The following CCDC171 variants were observed in gnomAD, a reference collection of about 807,000 sequenced individuals.
The protein encoded by CCDC171 is coiled-coil domain containing 171.
Under a neutral mutation model 168.2 loss-of-function variants are expected in CCDC171, and 177 were observed. The ratio of observed to expected loss-of-function variants is 1.05; its 90% CI spans 0.93 to 1.19. The LOEUF (loss-of-function observed/expected upper bound fraction) is 1.19. Among genes scored for constraint, CCDC171 ranks in the 50% most tolerant of loss-of-function variants. The probability of loss-of-function intolerance (pLI) is 0.00; values close to 1 mark genes in which losing one functional copy is unlikely to be tolerated. For synonymous variants in CCDC171, 687 were observed against 540.8 expected (o/e 1.27, Z -3.75); for missense variants, 1,991 against 1,539.0 (o/e 1.29, Z -4.91).
the CCDC171 span, among the ~76,000 whole-genome samples, chr9:16,097,791 T>C: frequency 6.6e-6 from 1 of 152,236 alleles, no homozygotes; most frequent in Non-Finnish European, 1.5e-5. Flanking sequence ...AGAACGAATC[T>C]GATCTGTGTT....
intron 3 of CCDC171, among the ~76,000 whole-genome samples, chr9:15,987,003 A>T (rs910826212): frequency 3.9e-5 from 6 of 152,194 alleles, no homozygotes; most frequent in African/African-American, 1.2e-4. Context: ...AAATATTTAA[A>T]TACTTAAAAA....
intron 21 of CCDC171, among the ~76,000 whole-genome samples, chr9:15,802,109 A>G (rs1285618960): frequency 6.6e-6 from 1 of 151,588 alleles, no homozygotes; most frequent in Non-Finnish European, 1.5e-5. Context: ...TCTGATTTTG[A>G]TAAGGTTTCC....
chr9:15,765,905 T>TA (rs2056695763), intron 18 of CCDC171, among the ~76,000 whole-genome samples: 1 of 152,194 alleles, frequency 6.6e-6, no homozygotes, highest in East Asian at 1.9e-4. Flanking sequence ...CTGACGGCTT[T>TA]CTTATTTATT....
chr9:15,864,578 T>G (rs1326320763), intron 23 of CCDC171, among the ~76,000 whole-genome samples: 1 of 152,080 alleles, frequency 6.6e-6, no homozygotes, highest in African/African-American at 2.4e-5. Flanking sequence ...TTTTTGTCCT[T>G]GCGATAGTTT....
intron 10 of CCDC171, among the ~76,000 whole-genome samples, chr9:15,681,649 T>C (rs2050049021): frequency 6.6e-6 from 1 of 152,140 alleles, no homozygotes; most frequent in African/African-American, 2.4e-5. Flanking sequence ...TATTCCTTTA[T>C]TGACTTTTCT....
At chr9:15,659,794 A>G (rs1239568011) in intron 8 of CCDC171, among the ~76,000 whole-genome samples, 1 of 152,190 alleles carries the variant, frequency 6.6e-6, no homozygotes. Context: ...CAGATAGATT[A>G]AAACTAGTTT....
chr9:15,769,331 G>T (rs2056893220), intron 18 of CCDC171, among the ~76,000 whole-genome samples: 1 of 152,050 alleles, frequency 6.6e-6, no homozygotes, highest in South Asian at 2.1e-4. Flanking sequence ...TTTATGATTG[G>T]GTAGTATATT....
chr9:15,717,516 G>A (rs775112220), intron 11 of CCDC171, among the ~76,000 whole-genome samples: 3 of 152,192 alleles, frequency 2.0e-5, no homozygotes, highest in Admixed American at 6.5e-5. Context: ...AGCAAAGGGA[G>A]TGCTTGCAGT....
In CCDC171 at chr9:16,018,456, T is replaced by C. The variant is rs141233363; in HGVS notation, n.369-2133T>C. On this transcript the variant is annotated intron_variant and non_coding_transcript_variant, in intron 3 of 9. Transcript: ENST00000486641. ...TGTTGTGTTTAATACAGCAGCATGCTAATTCAAATATTATTATTTTTCCCT... is the reference window on the plus strand; with the variant it reads ...TGTTGTGTTTAATACAGCAGCATGCCAATTCAAATATTATTATTTTTCCCT... 6.6e-3 allele frequency among the ~76,000 whole-genome samples: 1,002 copies of C among 152,360 alleles called. 10 individuals are homozygous for C. The highest frequency in any genetic ancestry group is 0.01 in the Middle Eastern group (3 of 294).
intron 4 of CCDC171, among the ~76,000 whole-genome samples, chr9:16,021,962 T>C (rs907180205): frequency 6.6e-6 from 1 of 152,220 alleles, no homozygotes; most frequent in Non-Finnish European, 1.5e-5. Context: ...GGGTTGTTTG[T>C]TACTGCAGCC....
At chr9:16,096,727 C>G in the CCDC171 span, among the ~76,000 whole-genome samples, 1 of 152,186 alleles carries the variant, frequency 6.6e-6, no homozygotes, top group African/African-American at 2.4e-5. Flanking sequence ...AGAAACCACT[C>G]CCTTTCCTCA....
chr9:15,692,272 C>G (rs2050856246), intron 10 of CCDC171, among the ~76,000 whole-genome samples: 1 of 151,710 alleles, frequency 6.6e-6, no homozygotes, highest in African/African-American at 2.4e-5. Flanking sequence ...TCTCAGGAGG[C>G]TGAGGCATGA....
intron 14 of CCDC171, among the ~76,000 whole-genome samples, chr9:15,726,142 G>T (rs2053785606): frequency 1.3e-5 from 2 of 152,128 alleles, no homozygotes; most frequent in African/African-American, 4.8e-5. Context: ...TTACAGTCTG[G>T]GATTTAAATT....
At chr9:15,687,617 A>T (rs1325771828) in intron 10 of CCDC171, among the ~76,000 whole-genome samples, 5 of 152,288 alleles carry the variant, frequency 3.3e-5, no homozygotes, top group Admixed American at 6.5e-5. Flanking sequence ...TGAAGAGATA[A>T]CTCAATTGAT....
chr9:16,016,295 A>ACTT (rs1386676242), intron 3 of CCDC171, among the ~76,000 whole-genome samples: 3 of 152,052 alleles, frequency 2.0e-5, no homozygotes, highest in African/African-American at 7.2e-5. Context: ...GATAGAAGAG[A>ACTT]CTTCTATCTG....
At chr9:15,630,024 G>A (rs2045541731) in intron 7 of CCDC171, among the ~76,000 whole-genome samples, 1 of 152,188 alleles carries the variant, frequency 6.6e-6, no homozygotes, top group African/African-American at 2.4e-5. Context: ...GCTCCTGAAG[G>A]AAGCACTAAA....
chr9:15,610,963 T>C, intron 6 of CCDC171, among the ~76,000 whole-genome samples: 1 of 152,176 alleles, frequency 6.6e-6, no homozygotes, highest in East Asian at 1.9e-4. Context: ...AAATCTCATA[T>C]TGAAATGTAA....
chr9:15,681,835 C>T (rs2050060631), intron 10 of CCDC171, among the ~76,000 whole-genome samples: 1 of 151,962 alleles, frequency 6.6e-6, no homozygotes, highest in South Asian at 2.1e-4. Flanking sequence ...GACAGAATGA[C>T]TTATGAGGAA....
chr9:15,881,475 A>G (rs1253644279), intron 24 of CCDC171, among the ~76,000 whole-genome samples: 3 of 152,174 alleles, frequency 2.0e-5, no homozygotes, highest in Non-Finnish European at 4.4e-5. Context: ...TCTTTTCTTT[A>G]TATTAGAACC....
Sources: allele counts gnomAD v4.1 joint callset (sites outside exome capture counted in the v4.1 genomes callset), GRCh38; gene constraint gnomAD v4.1.1; transcripts MANE v1.5; gene names NCBI Gene and HGNC (gene_info 2026-07-23, HGNC 2026-07-21).